The following KRTAP10-11 variants were observed in gnomAD, a reference collection of about 807,000 sequenced individuals.
The protein encoded by KRTAP10-11 is keratin-associated protein 10-11.
For missense variants in KRTAP10-11, 401 were observed against 378.8 expected (o/e 1.06, Z -0.49); for synonymous variants, 188 against 161.1 (o/e 1.17, Z -1.27).
At position 44,647,535 on chromosome 21, in the gene KRTAP10-11, C is replaced by A; in HGVS notation, c.*180C>A. The A allele has an allele frequency of 1.3e-6, 1 of 747,020 alleles. No individual in the cohort carries two copies. The highest frequency in any genetic ancestry group is 2.2e-6 in the Non-Finnish European group (1 of 458,690). 46.3% of individuals were successfully genotyped at this position (747,020 alleles called of 1,614,324 possible). On this transcript the variant is annotated 3_prime_UTR_variant, in exon 1 of 1. Transcript: ENST00000334670. ...CCACTGTCTGGGAAGAGACAACCCA[C>A]AAATCCCTCAGCAGGTGGACTGTGG...
In KRTAP10-11 at chr21:44,647,028, G is replaced by A; in HGVS notation, c.570G>A (p.Val190=). 6.2e-7 allele frequency: 1 copy of A among 1,613,828 alleles called. No individual in the cohort carries two copies. Among genetic ancestry groups the A allele is most frequent in the Non-Finnish European group, 8.5e-7 (1 of 1,179,946 alleles). The part of the protein sequence containing the change: ...TSSSYQQACC[V]PVCCKTVYCK... Reference sequence around the variant, plus strand: ...CCTCCTACCAGCAGGCCTGCTGCGTGCCTGTCTGCTGCAAGACTGTCTACT... The same window carrying A: ...CCTCCTACCAGCAGGCCTGCTGCGTACCTGTCTGCTGCAAGACTGTCTACT... The change falls in exon 1 of 1, where the codon GTG becomes GTA. Residue 190 remains valine, a synonymous_variant. Coordinates refer to ENST00000334670, the MANE Select transcript of KRTAP10-11 (RefSeq NM_198692.3).
Position 44,647,512 on chromosome 21 carries a change from A to C in KRTAP10-11, c.*157A>C. ...TTGAGCGCGTCACACTTTCCTCCCC[A>C]CTGTCTGGGAAGAGACAACCCACAA... On this transcript the variant is annotated 3_prime_UTR_variant, in exon 1 of 1. Transcript: ENST00000334670. 6.8e-6 allele frequency: 6 copies of C among 883,768 alleles called. No homozygotes were observed. Among genetic ancestry groups the C allele is most frequent in the Non-Finnish European group, 8.6e-6 (5 of 582,194 alleles). 54.7% of individuals were successfully genotyped at this position (883,768 alleles called of 1,614,324 possible). A position where few individuals can be genotyped will look rare whatever the true frequency, so the allele number is the denominator to read the frequency against.
Position 44,647,500 on chromosome 21 carries a change from A to C in KRTAP10-11, c.*145A>C. 1.0e-6 allele frequency: 1 copy of C among 975,030 alleles called. No individual in the cohort carries two copies. The highest frequency in any genetic ancestry group is 1.5e-6 in the Non-Finnish European group (1 of 663,068). 60.4% of individuals were successfully genotyped at this position (975,030 alleles called of 1,614,324 possible). A position where few individuals can be genotyped will look rare whatever the true frequency, so the allele number is the denominator to read the frequency against. ...CTGAAGGGGATTTTGAGCGCGTCAC[A>C]CTTTCCTCCCCACTGTCTGGGAAGA... is the stretch of plus-strand genomic sequence containing the variant. On this transcript the variant is annotated 3_prime_UTR_variant, in exon 1 of 1. Transcript: ENST00000334670.
At position 44,647,119 on chromosome 21, in the gene KRTAP10-11, T is replaced by C. The variant is rs73909208; in HGVS notation, c.661T>C (p.Cys221Arg). The C allele has an allele frequency of 4.8e-3, 7,749 of 1,614,138 alleles. 362 individuals carry two copies. The African/African-American group carries it at 0.093, about 19-fold the overall frequency. Reference sequence around the variant, plus strand: ...CTCTTCACGCTGCCAGCAGCCTAGCTGCCAGCCAGCTTGCTGCACCACCTC... The same window carrying C: ...CTCTTCACGCTGCCAGCAGCCTAGCCGCCAGCCAGCTTGCTGCACCACCTC... Reference protein sequence around the residue: ...ASSSRCQQPSCQPACCTTSCC... With the variant: ...ASSSRCQQPSRQPACCTTSCC... Residue 221 changes from cysteine (C) to arginine (R), a missense_variant, in exon 1 of 1, where the codon TGC (cysteine) becomes CGC (arginine). By Grantham distance (180) the Cys-to-Arg change is radical. Transcript: ENST00000334670.
In KRTAP10-11 at chr21:44,646,738, C is replaced by A. The variant is rs781824147; in HGVS notation, c.280C>A (p.Pro94Thr). The A allele has an allele frequency of 6.2e-7, 1 of 1,606,756 alleles. No homozygotes were observed. Residue 94 changes from proline to threonine, a missense_variant, in exon 1 of 1, where the codon CCC (proline) becomes ACC (threonine). By Grantham distance (38) the Pro-to-Thr change is conservative. Coordinates refer to ENST00000334670, the MANE Select transcript of KRTAP10-11 (RefSeq NM_198692.3). ...CCAGCCGGCTTGCTGCACCTCCTCC[C>A]CCTGCCAGCAGGCCTGCTGTGTGCC... is the stretch of plus-strand genomic sequence containing the variant. Reference protein sequence around the residue: ...SCQPACCTSSPCQQACCVPVC... With the variant: ...SCQPACCTSSTCQQACCVPVC...
At chr21:44,647,322 C>G in the KRTAP10-11 span, 1 of 1,613,916 alleles carries the variant, frequency 6.2e-7, no homozygotes, top group Admixed American at 1.7e-5. Context: ...TGGCCTGCTA[C>G]AGCCTCTGCT....
rs782720110 is a variant in KRTAP10-11 at position 44,647,338 on chromosome 21, A to C, written c.880A>C (p.Lys294Gln). The part of the protein sequence containing the change: ...RLACYSLCSG[K>Q]KSSC Reference sequence around the variant, plus strand: ...GGCCTGCTACAGCCTCTGCTCAGGCAAGAAGTCCAGCTGCTGAGTGCTCAA... The same window carrying C: ...GGCCTGCTACAGCCTCTGCTCAGGCCAGAAGTCCAGCTGCTGAGTGCTCAA... Residue 294 changes from lysine to glutamine, a missense_variant, in exon 1 of 1, where the codon AAG (lysine) becomes CAG (glutamine). Lys to Gln is a moderately conservative substitution (Grantham distance 53). Coordinates refer to ENST00000334670, the MANE Select transcript of KRTAP10-11 (RefSeq NM_198692.3). The C allele has an allele frequency of 1.9e-5, 30 of 1,613,598 alleles. No individual in the cohort carries two copies. Among genetic ancestry groups the C allele is most frequent in the Non-Finnish European group, 2.4e-5 (28 of 1,179,778 alleles).
chr21:44,647,045 CT>C, the KRTAP10-11 span: 21 of 1,613,818 alleles, frequency 1.3e-5, no homozygotes, highest in Non-Finnish European at 1.7e-5. Flanking sequence ...TGCTGCAAGA[CT>C]GTCTACTGCA....
Position 44,647,159 on chromosome 21 carries a change from C to G in KRTAP10-11, c.701C>G (p.Ser234Cys), listed in dbSNP as rs199741257. 2 of 1,614,080 alleles carry G rather than the reference C, an allele frequency of 1.2e-6. No homozygotes were observed. The highest frequency in any genetic ancestry group is 1.7e-5 in the Admixed American group (1 of 60,018). Residue 234 changes from serine (S) to cysteine (C), a missense_variant, in exon 1 of 1, where the codon TCC becomes TGC. Physicochemically the swap from Ser to Cys is moderately radical, Grantham distance 112. Transcript: ENST00000334670. Reference protein sequence around the residue: ...ACCTTSCCRPSSSVSLLCHPV... With the variant: ...ACCTTSCCRPCSSVSLLCHPV... ...TGCACCACCTCCTGCTGCAGACCCT[C>G]CTCCTCTGTGTCCCTCCTCTGCCAC...
Position 44,646,620 on chromosome 21 carries a change from C to T in KRTAP10-11, c.162C>T (p.Ser54=). Residue 54 remains serine (S), a synonymous_variant, in exon 1 of 1, where the codon TCC becomes TCT. Transcript: ENST00000334670. ...SLVCTPVSCV[S]SPCCQAACEP... ...TCTGCACCCCAGTGAGCTGTGTGTC[C>T]AGCCCCTGCTGCCAGGCGGCCTGTG... 6.2e-7 allele frequency: 1 copy of T among 1,613,056 alleles called. No homozygotes were observed. The highest frequency in any genetic ancestry group is 8.5e-7 in the Non-Finnish European group (1 of 1,179,898).
In KRTAP10-11 at chr21:44,647,014, C is replaced by G. The variant is rs1453217985; in HGVS notation, c.556C>G (p.Gln186Glu). The change falls in exon 1 of 1, where the codon CAG becomes GAG. Residue 186 changes from glutamine (Q) to glutamate (E), a missense_variant. By Grantham distance (29) the Gln-to-Glu change is conservative. Transcript: ENST00000334670. ...TTGCTGCACCTCCTCCTCCTACCAG[C>G]AGGCCTGCTGCGTGCCTGTCTGCTG... ...PACCTSSSYQ[Q>E]ACCVPVCCKT... 2 of 1,613,690 alleles carry G rather than the reference C, an allele frequency of 1.2e-6. No individual in the cohort carries two copies. The highest frequency in any genetic ancestry group is 2.7e-5 in the African/African-American group (2 of 74,742).
In KRTAP10-11 at chr21:44,647,032, G is replaced by C; in HGVS notation, c.574G>C (p.Val192Leu). 6.2e-7 allele frequency: 1 copy of C among 1,613,274 alleles called. No individual in the cohort carries two copies. The highest frequency in any genetic ancestry group is 8.5e-7 in the Non-Finnish European group (1 of 1,179,852). The change falls in exon 1 of 1, where the codon GTC (valine) becomes CTC (leucine). Residue 192 changes from valine (V) to leucine (L), a missense_variant. Transcript: ENST00000334670. ...SSYQQACCVP[V>L]CCKTVYCKPI... ...CTACCAGCAGGCCTGCTGCGTGCCTGTCTGCTGCAAGACTGTCTACTGCAA... is the reference window on the plus strand; with the variant it reads ...CTACCAGCAGGCCTGCTGCGTGCCTCTCTGCTGCAAGACTGTCTACTGCAA...
At position 44,646,587 on chromosome 21, in the gene KRTAP10-11, G is replaced by A. The variant is rs1555939846; in HGVS notation, c.129G>A (p.Leu43=). ...GCTGCTGCGCCCCGGCCCCCTCCCTGAGCCTGGTCTGCACCCCAGTGAGCT... is the reference window on the plus strand; with the variant it reads ...GCTGCTGCGCCCCGGCCCCCTCCCTAAGCCTGGTCTGCACCCCAGTGAGCT... The part of the protein sequence containing the change: ...APSCCAPAPS[L]SLVCTPVSCV... Residue 43 remains leucine (L), a synonymous_variant, in exon 1 of 1, where the codon CTG becomes CTA. Transcript: ENST00000334670. The A allele has an allele frequency of 1.9e-6, 3 of 1,612,476 alleles. No homozygotes were observed. Among genetic ancestry groups the A allele is most frequent in the East Asian group, 2.2e-5 (1 of 44,882 alleles).
At position 44,646,528 on chromosome 21, in the gene KRTAP10-11, G is replaced by C. The variant is rs753732254; in HGVS notation, c.70G>C (p.Glu24Gln). The change falls in exon 1 of 1, where the codon GAG becomes CAG. Residue 24 changes from glutamate (E) to glutamine (Q), a missense_variant. Physicochemically the swap from Glu to Gln is conservative, Grantham distance 29. Coordinates refer to ENST00000334670, the MANE Select transcript of KRTAP10-11 (RefSeq NM_198692.3). ...SDSWQVDDCP[E>Q]SCCEPPCSAP... ...CTCCTGGCAGGTGGACGACTGCCCA[G>C]AGAGCTGCTGTGAGCCCCCCTGCAG... 1 of 1,612,596 alleles carries C rather than the reference G, an allele frequency of 6.2e-7. No homozygotes were observed. Among genetic ancestry groups the C allele is most frequent in the Non-Finnish European group, 8.5e-7 (1 of 1,179,966 alleles).
rs979137708 is a variant in KRTAP10-11, at chr21:44,647,492, C to T, written c.*137C>T. On this transcript the variant is annotated 3_prime_UTR_variant, in exon 1 of 1. Coordinates refer to ENST00000334670, the MANE Select transcript of KRTAP10-11 (RefSeq NM_198692.3). The stretch of plus-strand genomic sequence containing the variant: ...GCTGCTGCCTGAAGGGGATTTTGAG[C>T]GCGTCACACTTTCCTCCCCACTGTC... The T allele has an allele frequency of 6.2e-5, 65 of 1,041,952 alleles. No individual in the cohort carries two copies. Among genetic ancestry groups the T allele is most frequent in the African/African-American group, 6.5e-5 (4 of 61,472 alleles). The allele number at this position is 1,041,952 out of a possible 1,614,324, so 64.5% of individuals were successfully genotyped here.
In KRTAP10-11 at chr21:44,646,671, C is replaced by T. The variant is rs1984404468; in HGVS notation, c.213C>T (p.Cys71=). 6.2e-7 allele frequency: 1 copy of T among 1,614,032 alleles called. No individual in the cohort carries two copies. The highest frequency in any genetic ancestry group is 8.5e-7 in the Non-Finnish European group (1 of 1,180,004). ...ACEPSACQSG[C]TSSCTPSCCQ... ...AGCCCAGCGCCTGCCAATCAGGCTGCACCAGCTCCTGCACGCCGTCATGCT... is the reference window on the plus strand; with the variant it reads ...AGCCCAGCGCCTGCCAATCAGGCTGTACCAGCTCCTGCACGCCGTCATGCT... Residue 71 remains cysteine, a synonymous_variant, in exon 1 of 1, where the codon TGC becomes TGT. Transcript: ENST00000334670.
chr21:44,646,555 GC>G, the KRTAP10-11 span: 1 of 1,612,354 alleles, frequency 6.2e-7, no homozygotes, highest in Middle Eastern at 2.1e-4. Flanking sequence ...CCCCTGCAGC[GC>G]CCCCAGCTGC....
Position 44,646,469 on chromosome 21 carries a change from C to T in KRTAP10-11, c.11C>T (p.Ser4Phe), listed in dbSNP as rs782115050. 1.9e-6 allele frequency: 3 copies of T among 1,611,808 alleles called. No homozygotes were observed. In the South Asian group the frequency reaches 3.3e-5, roughly 18 times the overall value. Residue 4 changes from serine (S) to phenylalanine (F), a missense_variant, in exon 1 of 1, where the codon TCC (serine) becomes TTC (phenylalanine). Physicochemically the swap from Ser to Phe is radical, Grantham distance 155. Transcript: ENST00000334670. MAA[S>F]TMSVCSSAYS... ...CCTCCCCACCCCAGCATGGCCGCGT[C>T]CACCATGTCTGTCTGCTCCAGCGCT... is the stretch of plus-strand genomic sequence containing the variant.
Position 44,646,892 on chromosome 21 carries a change from C to T in KRTAP10-11, c.434C>T (p.Ala145Val). 1 of 1,613,122 alleles carries T rather than the reference C, an allele frequency of 6.2e-7. No individual in the cohort carries two copies. The highest frequency in any genetic ancestry group is 8.5e-7 in the Non-Finnish European group (1 of 1,179,650). ...TGTGCCTCTTCCTCCTGCCAGCCGG[C>T]CTGCTGTGTGCCCGTCTGCTGCAAG... ...ACCASSSCQP[A>V]CCVPVCCKPV... Residue 145 changes from alanine to valine, a missense_variant, in exon 1 of 1, where the codon GCC (alanine) becomes GTC (valine). Ala to Val is a moderately conservative substitution (Grantham distance 64). Transcript: ENST00000334670.
Sources: gnomAD v4.1 joint callset for allele counts on GRCh38, gnomAD v4.1.1 for gene constraint, MANE v1.5 for transcripts, NCBI Gene and HGNC (gene_info 2026-07-23, HGNC 2026-07-21) for gene names.